Variants in TIGAR observed in about 807,000 individuals in gnomAD.
TIGAR encodes the protein TP53 induced glycolysis regulatory phosphatase, also known as fructose-2,6-bisphosphatase TIGAR.
A neutral mutation model predicts 17.9 loss-of-function variants in TIGAR; 7 were observed. The observed-to-expected ratio is 0.39, with a 90% CI of 0.22 to 0.73. The LOEUF is 0.73. Among genes scored for constraint, TIGAR ranks in the 30% least tolerant of loss-of-function variants. The probability of loss-of-function intolerance (pLI) is 0.42; values close to 1 mark genes in which losing one functional copy is unlikely to be tolerated. For synonymous variants in TIGAR, 94 were observed against 108.6 expected, an observed-to-expected ratio of 0.87 and a Z score of 0.84; for missense variants, 258 against 327.4, an observed-to-expected ratio of 0.79 and a Z score of 1.64.
chr12:4,338,546 T>G lies in TIGAR; in HGVS notation c.192+1386T>G, dbSNP rs1402745847. ...GGATAGACAAAGAACTCTAGAAATA[T>G]GTACAAGAATTTCTTTAAATTGAAA... On this transcript the variant is annotated intron_variant, in intron 3 of 5. Transcript: ENST00000179259. Among the ~76,000 whole-genome samples, 3 of 152,166 alleles carry G rather than the reference T, an allele frequency of 2.0e-5. No homozygotes were observed. The East Asian group carries it at 5.8e-4, about 29-fold the overall frequency.
chr12:4,323,865 A>G (rs551906248), intron 1 of TIGAR, among the ~76,000 whole-genome samples: 4 of 152,342 alleles, frequency 2.6e-5, no homozygotes, highest in African/African-American at 9.6e-5. Flanking sequence ...AGAGTTCTCA[A>G]AACCAAAACC....
At chr12:4,331,526 A>G (rs987868812) in intron 2 of TIGAR, among the ~76,000 whole-genome samples, 19 of 152,204 alleles carry the variant, frequency 1.2e-4, no homozygotes, top group Admixed American at 9.8e-4. Context: ...GGTGTGAAGT[A>G]CAGGTCTCCA....
At position 4,355,457 on chromosome 12, in the gene TIGAR, TTTTTAAAG is replaced by T. The variant is rs1864889875; in HGVS notation, c.*2769_*2776del. On this transcript the variant is annotated 3_prime_UTR_variant, in exon 6 of 6. Coordinates refer to ENST00000179259, the MANE Select transcript of TIGAR (RefSeq NM_020375.3). The stretch of plus-strand genomic sequence containing the variant: ...AAGGGTGGATACCTCCTCTTGTTCA[TTTTTAAAG>T]TTGTCTTAACTATTTATGCACTTTT... Among the ~76,000 whole-genome samples the T allele has an allele frequency of 6.6e-6, 1 of 152,236 alleles. No individual in the cohort carries two copies. Among genetic ancestry groups the T allele is most frequent in the Admixed American group, 6.5e-5 (1 of 15,292 alleles).
chr12:4,323,961 A>G (rs868157338), intron 1 of TIGAR, among the ~76,000 whole-genome samples: 2 of 152,232 alleles, frequency 1.3e-5, no homozygotes, highest in South Asian at 4.1e-4. Context: ...GAAGAGTTAG[A>G]TAATTTTATT....
intron 3 of TIGAR, among the ~76,000 whole-genome samples, chr12:4,347,640 A>G (rs1052894465): frequency 1.3e-5 from 2 of 152,198 alleles, no homozygotes; most frequent in Non-Finnish European, 2.9e-5. Context: ...GCATGGCTGT[A>G]TCAAAGTGTC....
chr12:4,329,260 G>C (rs1483171502), intron 1 of TIGAR, among the ~76,000 whole-genome samples: 1 of 150,738 alleles, frequency 6.6e-6, no homozygotes, highest in Non-Finnish European at 1.5e-5. Context: ...CATAGTTAAG[G>C]AATGAGTTAT....
In TIGAR at chr12:4,354,593, A is replaced by G. The variant is rs961050922; in HGVS notation, c.*1902A>G. 6.6e-6 allele frequency: 1 copy of G among 152,080 alleles called. No homozygotes were observed. Among genetic ancestry groups the G allele is most frequent in the African/African-American group, 2.4e-5 (1 of 41,424 alleles). 9.4% of individuals were successfully genotyped at this position (152,080 alleles called of 1,614,324 possible). A position where few individuals can be genotyped will look rare whatever the true frequency, so the allele number is the denominator to read the frequency against. ...CAAGCCATCTGTGTTCTTTATTTTT[A>G]CTTATGTCTTGGAGGCATCTCTGTG... On this transcript the variant is annotated 3_prime_UTR_variant, in exon 6 of 6. Transcript: ENST00000179259.
chr12:4,337,921 A>G (rs1046590357), intron 3 of TIGAR, among the ~76,000 whole-genome samples: 5 of 152,204 alleles, frequency 3.3e-5, no homozygotes, highest in African/African-American at 1.2e-4. Context: ...ACTTGAGGTC[A>G]GGAGTTCAAG....
At chr12:4,346,989 A>T (rs1317090517) in intron 3 of TIGAR, among the ~76,000 whole-genome samples, 1 of 152,182 alleles carries the variant, frequency 6.6e-6, no homozygotes. Flanking sequence ...AATTGTTTGG[A>T]GGGAGGTTCC....
In TIGAR at chr12:4,358,463, ACCACTTGCTTACCTGTTGTC is replaced by A. The variant is rs570515978; in HGVS notation, c.*5783_*5802del. On this transcript the variant is annotated 3_prime_UTR_variant, in exon 6 of 6. Coordinates refer to ENST00000179259, the MANE Select transcript of TIGAR (RefSeq NM_020375.3). ...GGCTGTATACTCTTCACACTTATTC[ACCACTTGCTTACCTGTTGTC>A]CCACTTGCTTTGCCATTTTTTCTCT... is the stretch of plus-strand genomic sequence containing the variant. Among the ~76,000 whole-genome samples, 1 of 152,134 alleles carries A rather than the reference ACCACTTGCTTACCTGTTGTC, an allele frequency of 6.6e-6. No homozygotes were observed. Among genetic ancestry groups the A allele is most frequent in the Non-Finnish European group, 1.5e-5 (1 of 68,032 alleles).
chr12:4,327,603 T>C (rs867407305), intron 1 of TIGAR, among the ~76,000 whole-genome samples: 1 of 152,190 alleles, frequency 6.6e-6, no homozygotes, highest in African/African-American at 2.4e-5. Context: ...ATGTTGTAGT[T>C]TGTGTGCATA....
rs1864884414 is a variant in TIGAR at position 4,355,063 on chromosome 12, T to G, written c.*2372T>G. On this transcript the variant is annotated 3_prime_UTR_variant, in exon 6 of 6. Coordinates refer to ENST00000179259, the MANE Select transcript of TIGAR (RefSeq NM_020375.3). ...CATTTTTTTAATATGTGTTCTTAAT[T>G]TTTAAGACAAACCAATATACCTTAT... is the stretch of plus-strand genomic sequence containing the variant. 6.6e-6 allele frequency among the ~76,000 whole-genome samples: 1 copy of G among 152,108 alleles called. No homozygotes were observed. Among genetic ancestry groups the G allele is most frequent in the Non-Finnish European group, 1.5e-5 (1 of 68,008 alleles).
intron 1 of TIGAR, chr12:4,324,526 C>G: frequency 1.2e-6 from 2 of 1,609,564 alleles, no homozygotes; most frequent in East Asian, 2.2e-5. Flanking sequence ...GTTGTAGACG[C>G]CCACCATGCT....
Position 4,321,772 on chromosome 12 carries a change from GC to G in TIGAR, c.32+475del. On this transcript the variant is annotated intron_variant, in intron 1 of 5. Coordinates refer to ENST00000179259, the MANE Select transcript of TIGAR (RefSeq NM_020375.3). The surrounding 1 kb of genome is among the most constrained non-coding windows in gnomAD (Gnocchi z 5.2). The stretch of plus-strand genomic sequence containing the variant: ...TCCCCCTCGTTTCCCCAGGCAGTCA[GC>G]CCCCCAGGCACATATATGAGACTTC... 6.6e-6 allele frequency among the ~76,000 whole-genome samples: 1 copy of G among 152,252 alleles called. No individual in the cohort carries two copies. The highest frequency in any genetic ancestry group is 2.4e-5 in the African/African-American group (1 of 41,540).
At chr12:4,347,433 G>A (rs1221850434) in intron 3 of TIGAR, among the ~76,000 whole-genome samples, 1 of 152,138 alleles carries the variant, frequency 6.6e-6, no homozygotes. Context: ...GGGGAAGTGG[G>A]GATGGTTAAT....
intron 1 of TIGAR, among the ~76,000 whole-genome samples, chr12:4,325,166 TC>T (rs1029266151): frequency 6.6e-6 from 1 of 151,986 alleles, no homozygotes; most frequent in Non-Finnish European, 1.5e-5. Flanking sequence ...GGTCTCGAAC[TC>T]CCGACCTCTG....
At chr12:4,325,664 C>A (rs1864538098) in intron 1 of TIGAR, among the ~76,000 whole-genome samples, 1 of 151,288 alleles carries the variant, frequency 6.6e-6, no homozygotes, top group South Asian at 2.1e-4. Flanking sequence ...ATCTCTTGAA[C>A]CCGGGAGGTA....
At chr12:4,350,036 G>T in intron 4 of TIGAR, 140 bp downstream of exon 4, 1 of 604,860 alleles carries the variant, frequency 1.7e-6, no homozygotes, top group South Asian at 2.4e-5. Flanking sequence ...CCATATGACA[G>T]TCACTGTTAC....
chr12:4,336,445 AGC>A (rs1491201846), intron 2 of TIGAR, among the ~76,000 whole-genome samples: 2 of 99,486 alleles, frequency 2.0e-5, no homozygotes, highest in Non-Finnish European at 3.8e-5. Context: ...CCAGCAATGC[AGC>A]ACACACACAC....
Sources: gnomAD v4.1 joint callset for allele counts (sites outside exome capture counted in the v4.1 genomes callset) on GRCh38, gnomAD v4.1.1 for gene constraint, Gnocchi (gnomAD v3.1) non-coding constraint, MANE v1.5 for transcripts, NCBI Gene and HGNC (gene_info 2026-07-23, HGNC 2026-07-21) for gene names.